Variants in PLAC1 observed in about 807,000 individuals in gnomAD.
PLAC1 encodes placenta associated 1.
For synonymous variants in PLAC1, 68 were observed against 62.1 expected, an observed-to-expected ratio of 1.09 and a Z score of -0.44; for missense variants, 136 against 163.2, an observed-to-expected ratio of 0.83 and a Z score of 0.91.
intron 1 of PLAC1, among the ~76,000 whole-genome samples, chrX:134,748,932 A>G (rs1276177545): frequency 8.9e-6 from 1 of 112,409 alleles, no homozygotes; most frequent in Admixed American, 9.4e-5. Context: ...TTTAAATTTT[A>G]ATGTTAGAAG....
chrX:134,748,868 G>A (rs1022616985), intron 1 of PLAC1, among the ~76,000 whole-genome samples: 8 of 112,037 alleles, frequency 7.1e-5, no homozygotes, highest in Admixed American at 3.8e-4. Context: ...TGGAGAAGTC[G>A]TATTGTCCCT....
chrX:134,618,042 G>A (rs748394582), intron 1 of PLAC1, among the ~76,000 whole-genome samples: 1 of 111,824 alleles, frequency 8.9e-6, no homozygotes, highest in African/African-American at 3.3e-5. Flanking sequence ...TCAAAGCACC[G>A]ACTGGAACTT....
At chrX:134,750,231 C>T (rs1456543305) in intron 1 of PLAC1, among the ~76,000 whole-genome samples, 1 of 111,493 alleles carries the variant, frequency 9.0e-6, no homozygotes. Flanking sequence ...TGGAATTGCA[C>T]GCATTTGGCT....
At chrX:134,622,916 G>A (rs1348047479) in intron 1 of PLAC1, among the ~76,000 whole-genome samples, 1 of 111,727 alleles carries the variant, frequency 9.0e-6, no homozygotes, top group Non-Finnish European at 1.9e-5. Context: ...CCTGTTTTGG[G>A]AATGTGGCCC....
chrX:134,709,735 C>T lies in PLAC1; in HGVS notation n.174+23700G>A, dbSNP rs759260153. ...TAAAGGACAGAGATTGATTATAAAT[C>T]GTGGAGGATAAGATATAGATTATTT... On this transcript the variant is annotated intron_variant and non_coding_transcript_variant, in intron 2 of 2. Coordinates refer to the PLAC1 transcript ENST00000466797. 5.4e-5 allele frequency among the ~76,000 whole-genome samples: 6 copies of T among 111,807 alleles called. No individual in the cohort carries two copies. The East Asian group carries it at 1.7e-3, about 31-fold the overall frequency.
intron 2 of PLAC1, among the ~76,000 whole-genome samples, chrX:134,670,970 T>C (rs1486194312): frequency 8.9e-6 from 1 of 112,223 alleles, no homozygotes; most frequent in Non-Finnish European, 1.9e-5. Flanking sequence ...ATTATTTTAC[T>C]GAGCCAAAGC....
chrX:134,667,785 G>A (rs1356852956), intron 2 of PLAC1, among the ~76,000 whole-genome samples: 1 of 110,201 alleles, frequency 9.1e-6, no homozygotes, highest in Admixed American at 9.7e-5. Flanking sequence ...TAAATAGCTG[G>A]GTGTGGTGGT....
chrX:134,630,220 C>A (rs183098110), intron 1 of PLAC1, among the ~76,000 whole-genome samples: 1 of 111,510 alleles, frequency 9.0e-6, no homozygotes, highest in African/African-American at 3.3e-5. Flanking sequence ...ATCTGCCCCC[C>A]TCGGCCTCCC....
Position 134,754,025 on chromosome X carries a change from T to C in PLAC1, n.89+10209A>G, listed in dbSNP as rs572830981. 4.4e-5 allele frequency among the ~76,000 whole-genome samples: 5 copies of C among 112,542 alleles called. No homozygotes were observed. The South Asian group carries it at 1.8e-3, about 41-fold the overall frequency. On this transcript the variant is annotated intron_variant and non_coding_transcript_variant, in intron 1 of 2. Transcript: ENST00000466797. Reference sequence around the variant, plus strand: ...CATATAGCATCTGAGTTCCATCACATAGAAAACCCCACAAACACACAGCTG... The same window carrying C: ...CATATAGCATCTGAGTTCCATCACACAGAAAACCCCACAAACACACAGCTG...
intron 1 of PLAC1, among the ~76,000 whole-genome samples, chrX:134,762,947 C>T (rs1386361476): frequency 9.3e-6 from 1 of 107,850 alleles, no homozygotes; most frequent in African/African-American, 3.4e-5. Flanking sequence ...ACTTTGCATA[C>T]TTCTATGAGG....
intron 2 of PLAC1, among the ~76,000 whole-genome samples, chrX:134,692,602 G>A (rs955523431): frequency 8.9e-6 from 1 of 112,015 alleles, no homozygotes; most frequent in African/African-American, 3.2e-5. Context: ...TCCACCTTTC[G>A]TTTTACTACA....
intron 1 of PLAC1, among the ~76,000 whole-genome samples, chrX:134,735,694 C>T (rs1354615793): frequency 1.8e-5 from 2 of 109,704 alleles, no homozygotes; most frequent in African/African-American, 6.6e-5. Context: ...ACCCTTTGGT[C>T]TTACTCAGCA....
intron 2 of PLAC1, among the ~76,000 whole-genome samples, chrX:134,718,081 A>C (rs1226955949): frequency 1.8e-5 from 2 of 111,878 alleles, no homozygotes; most frequent in Non-Finnish European, 3.8e-5. Context: ...AAATGAACTC[A>C]AGTCTTGGAA....
At chrX:134,654,273 G>A (rs1163815069) in intron 1 of PLAC1, among the ~76,000 whole-genome samples, 1 of 111,830 alleles carries the variant, frequency 8.9e-6, no homozygotes, top group African/African-American at 3.3e-5. Flanking sequence ...CAGTCCTGTC[G>A]CTGGAGCCCT....
At chrX:134,749,150 C>T (rs1352331379) in intron 1 of PLAC1, among the ~76,000 whole-genome samples, 1 of 111,608 alleles carries the variant, frequency 9.0e-6, no homozygotes, top group Admixed American at 9.5e-5. Context: ...AACCCTGTCT[C>T]TACAAAAAAT....
intron 2 of PLAC1, among the ~76,000 whole-genome samples, chrX:134,580,537 G>C (rs2077968912): frequency 2.7e-5 from 3 of 112,085 alleles, no homozygotes; most frequent in African/African-American, 9.7e-5. Flanking sequence ...TGCCAAGAAA[G>C]TAAACACAGT....
At chrX:134,680,122 C>T (rs781042233) in intron 2 of PLAC1, among the ~76,000 whole-genome samples, 11 of 111,943 alleles carry the variant, frequency 9.8e-5, no homozygotes, top group Middle Eastern at 4.7e-3. Flanking sequence ...ACTCTTGTGT[C>T]CCAATATTGC....
intron 2 of PLAC1, among the ~76,000 whole-genome samples, chrX:134,600,298 C>G (rs2078082294): frequency 9.0e-6 from 1 of 111,445 alleles, no homozygotes; most frequent in African/African-American, 3.3e-5. Flanking sequence ...TCCAGAGTAG[C>G]TGGGACTACA....
intron 2 of PLAC1, among the ~76,000 whole-genome samples, chrX:134,572,201 G>C (rs1016215204): frequency 8.1e-5 from 9 of 111,179 alleles, no homozygotes; most frequent in Non-Finnish European, 1.5e-4. Flanking sequence ...ACACTTTGTG[G>C]GTGCTTTAGT....
Sources: gnomAD v4.1 joint callset for allele counts (sites outside exome capture counted in the v4.1 genomes callset) on GRCh38, gnomAD v4.1.1 for gene constraint, MANE v1.5 for transcripts, NCBI Gene and HGNC (gene_info 2026-07-23, HGNC 2026-07-21) for gene names.